BTBD8: variants seen among roughly 807,000 people sequenced by gnomAD.
The protein encoded by BTBD8 is BTB/POZ domain-containing protein 8.
A neutral mutation model predicts 162.9 loss-of-function variants in BTBD8; 110 were observed. That is an observed-to-expected ratio of 0.68 (90% CI 0.58 to 0.79). BTBD8 has a LOEUF of 0.79. BTBD8 is among the 30% of genes least tolerant of loss of function. The probability of loss-of-function intolerance (pLI) is 0.00; values close to 1 mark genes in which losing one functional copy is unlikely to be tolerated. For synonymous variants in BTBD8, 667 were observed against 716.1 expected (o/e 0.93, Z 1.10); for missense variants, 1,905 against 2,085.4 (o/e 0.91, Z 1.68).
At chr1:92,179,355 A>C (rs897834180) in intron 16 of BTBD8, among the ~76,000 whole-genome samples, 1 of 152,184 alleles carries the variant, frequency 6.6e-6, no homozygotes, top group African/African-American at 2.4e-5. Context: ...ATTGTTTTTC[A>C]GTGTTCTGAA....
chr1:92,182,792 G>A (rs1650953152), intron 17 of BTBD8, among the ~76,000 whole-genome samples, 197 bp downstream of exon 17: 2 of 152,076 alleles, frequency 1.3e-5, no homozygotes, highest in African/African-American at 2.4e-5. Context: ...TAATGAAGAA[G>A]TAATATCTAG....
intron 4 of BTBD8, chr1:92,126,201 CTTA>C (rs551615124): frequency 4.5e-4 from 234 of 523,916 alleles, no homozygotes; most frequent in African/African-American, 4.0e-3. Context: ...GGATGAGTTC[CTTA>C]TTATTCTAGA....
rs184583278 is a variant in BTBD8 at position 92,130,559 on chromosome 1, C to A, written c.752+783C>A. ...ATATTTACACACACACACACACACA[C>A]ACACACACATATACGCACACACACA... On this transcript the variant is annotated intron_variant, in intron 5 of 17. Coordinates refer to ENST00000636805, the MANE Select transcript of BTBD8 (RefSeq NM_001376131.1). 5.3e-3 allele frequency among the ~76,000 whole-genome samples: 784 copies of A among 147,028 alleles called. 4 individuals are homozygous for A. Among genetic ancestry groups the A allele is most frequent in the African/African-American group, 0.018 (748 of 41,060 alleles).
At chr1:92,103,774 AT>A (rs1047994781) in intron 3 of BTBD8, among the ~76,000 whole-genome samples, 1 of 152,074 alleles carries the variant, frequency 6.6e-6, no homozygotes, top group African/African-American at 2.4e-5. Context: ...ATGTTTCTCA[AT>A]TTTTCTGGAG....
At chr1:92,117,354 G>GT (rs869030103) in intron 4 of BTBD8, among the ~76,000 whole-genome samples, 302 of 26,478 alleles carry the variant, frequency 0.011, 7 homozygotes, top group African/African-American at 0.036. Flanking sequence ...ATTATTAAAG[G>GT]TTTTTTTTTT....
chr1:92,086,178 AC>A (rs1648153676), intron 1 of BTBD8, among the ~76,000 whole-genome samples: 1 of 152,152 alleles, frequency 6.6e-6, no homozygotes, highest in East Asian at 1.9e-4. Context: ...GCCAGAGACC[AC>A]AAGGGGTTTT....
At chr1:92,109,073 C>T (rs1355978836) in intron 4 of BTBD8, among the ~76,000 whole-genome samples, 1 of 152,146 alleles carries the variant, frequency 6.6e-6, no homozygotes, top group South Asian at 2.1e-4. Flanking sequence ...GAACTTTTCT[C>T]TATGGGACTG....
Position 92,154,270 on chromosome 1 carries a change from T to C in BTBD8, c.1122+6484T>C, listed in dbSNP as rs193217546. 2.1e-3 allele frequency among the ~76,000 whole-genome samples: 313 copies of C among 152,290 alleles called. 3 individuals carry two copies. The highest frequency in any genetic ancestry group is 6.8e-3 in the Middle Eastern group (2 of 294). On this transcript the variant is annotated intron_variant, in intron 9 of 17. Coordinates refer to ENST00000636805, the MANE Select transcript of BTBD8 (RefSeq NM_001376131.1). ...TACTTAGCCTGCAGTAGTCCTTTCA[T>C]AGCAGTGCAAACAGGTTAACACAAA...
chr1:92,132,828 AC>A (rs1290107422), intron 5 of BTBD8, among the ~76,000 whole-genome samples: 1 of 152,108 alleles, frequency 6.6e-6, no homozygotes, highest in Admixed American at 6.5e-5. Context: ...AAATGAAGAT[AC>A]TTTTGTTGTT....
chr1:92,104,692 C>T lies in BTBD8; in HGVS notation c.544+2023C>T, dbSNP rs148650274. On this transcript the variant is annotated intron_variant, in intron 3 of 17. Transcript: ENST00000636805. Reference sequence around the variant, plus strand: ...AGTAACCTGCCAGTTGCCAGCTTAACAGACATTTTTTTGCCTACATCTTAT... The same window carrying T: ...AGTAACCTGCCAGTTGCCAGCTTAATAGACATTTTTTTGCCTACATCTTAT... 1.8e-3 allele frequency among the ~76,000 whole-genome samples: 268 copies of T among 152,312 alleles called. 3 individuals are homozygous for T. The highest frequency in any genetic ancestry group is 5.9e-3 in the African/African-American group (245 of 41,574).
At chr1:92,101,194 T>TA (rs780097697) in intron 2 of BTBD8, among the ~76,000 whole-genome samples, 1 of 152,216 alleles carries the variant, frequency 6.6e-6, no homozygotes. Flanking sequence ...AATCCTGAGT[T>TA]ACTTCCACAT....
chr1:92,088,333 A>G (rs1334698923), intron 1 of BTBD8, among the ~76,000 whole-genome samples: 1 of 152,200 alleles, frequency 6.6e-6, no homozygotes, highest in Non-Finnish European at 1.5e-5. Flanking sequence ...ATTAATGATC[A>G]TGTCAACTTT....
Position 92,180,452 on chromosome 1 carries a change from A to C in BTBD8, c.2769A>C (p.Leu923=). Residue 923 remains leucine (L), a synonymous_variant, in exon 17 of 18, where the codon CTA becomes CTC. Transcript: ENST00000636805. ...AAATAGTGGCAATGCCTAAAAATCT[A>C]AATCAGTCAAAGAAAGGTGAAACTT... is the stretch of plus-strand genomic sequence containing the variant. ...NAKIVAMPKN[L]NQSKKGETLN... 1 of 1,551,356 alleles carries C rather than the reference A, an allele frequency of 6.4e-7. No homozygotes were observed. The highest frequency in any genetic ancestry group is 8.7e-7 in the Non-Finnish European group (1 of 1,146,856).
At chr1:92,166,109 T>C (rs1392994917) in intron 9 of BTBD8, among the ~76,000 whole-genome samples, 2 of 152,168 alleles carry the variant, frequency 1.3e-5, no homozygotes, top group African/African-American at 4.8e-5. Flanking sequence ...GATCAATATT[T>C]GTGAATGTTT....
chr1:92,183,218 G>T (rs940304189), intron 17 of BTBD8, among the ~76,000 whole-genome samples: 1 of 152,016 alleles, frequency 6.6e-6, no homozygotes, highest in Non-Finnish European at 1.5e-5. Context: ...CTGTCTAATT[G>T]TTTTGTGTTT....
intron 9 of BTBD8, among the ~76,000 whole-genome samples, chr1:92,148,178 A>G (rs1649970132): frequency 1.3e-5 from 2 of 152,194 alleles, no homozygotes; most frequent in Non-Finnish European, 2.9e-5. Context: ...GGTTGATTAC[A>G]TTGGATCACT....
intron 9 of BTBD8, among the ~76,000 whole-genome samples, chr1:92,165,693 G>A (rs999406172): frequency 3.3e-5 from 5 of 152,038 alleles, no homozygotes; most frequent in African/African-American, 9.7e-5. Flanking sequence ...TGCCTGTGGC[G>A]GCTGCATTCA....
At chr1:92,114,720 T>C in intron 4 of BTBD8, 1 of 169,002 alleles carries the variant, frequency 5.9e-6, no homozygotes, top group South Asian at 1.5e-4. Flanking sequence ...TTTGGAGGAC[T>C]GAGTGTGGCA....
At chr1:92,106,269 G>A (rs1468910960) in intron 3 of BTBD8, among the ~76,000 whole-genome samples, 1 of 152,112 alleles carries the variant, frequency 6.6e-6, no homozygotes, top group Non-Finnish European at 1.5e-5. Context: ...TTTAATGCAC[G>A]ATGGATGGCA....
Sources: gnomAD v4.1 joint callset for allele counts (sites outside exome capture counted in the v4.1 genomes callset) on GRCh38, gnomAD v4.1.1 for gene constraint, MANE v1.5 for transcripts, NCBI Gene and HGNC (gene_info 2026-07-23, HGNC 2026-07-21) for gene names.